Variants in GRIA1 observed in about 807,000 individuals in gnomAD.
GRIA1 encodes glutamate ionotropic receptor AMPA type subunit 1.
GRIA1 carries 31 observed loss-of-function variants against 99.2 expected under a neutral mutation model. The ratio of observed to expected loss-of-function variants is 0.31; its 90% CI spans 0.23 to 0.42. The LOEUF is 0.42. GRIA1 is among the 10% of genes least tolerant of loss of function. The probability of loss-of-function intolerance (pLI) is 1.00; values close to 1 mark genes in which losing one functional copy is unlikely to be tolerated. For synonymous variants in GRIA1, 438 were observed against 432.4 expected (o/e 1.01, Z -0.16); for missense variants, 782 against 1,157.5 (o/e 0.68, Z 4.71).
intron 11 of GRIA1, among the ~76,000 whole-genome samples, chr5:153,722,220 C>CT (rs1282765460): frequency 6.6e-6 from 1 of 150,662 alleles, no homozygotes; most frequent in African/African-American, 2.4e-5. Context: ...GACATAAGTC[C>CT]TTTTTTAGTT....
intron 11 of GRIA1, among the ~76,000 whole-genome samples, chr5:153,731,344 G>A (rs1447666490): frequency 6.6e-6 from 1 of 151,584 alleles, no homozygotes; most frequent in African/African-American, 2.4e-5. Context: ...CCTTTTGCCT[G>A]GAGAGTCTAT....
intron 2 of GRIA1, among the ~76,000 whole-genome samples, chr5:153,639,841 A>G (rs1753663448): frequency 6.6e-6 from 1 of 152,204 alleles, no homozygotes. Context: ...AGAAAATTTC[A>G]ATCTGTAGGA....
intron 2 of GRIA1, among the ~76,000 whole-genome samples, chr5:153,552,279 T>C (rs1355158349): frequency 6.6e-6 from 1 of 151,952 alleles, no homozygotes; most frequent in Non-Finnish European, 1.5e-5. Context: ...TTGGCAGTAC[T>C]GGACTCCCAT....
intron 4 of GRIA1, among the ~76,000 whole-genome samples, chr5:153,651,300 A>G (rs1362799254): frequency 6.6e-6 from 1 of 152,144 alleles, no homozygotes; most frequent in Non-Finnish European, 1.5e-5. Flanking sequence ...TTCCCTGAAC[A>G]TGCCCTTCCC....
At chr5:153,727,982 ATAC>A (rs1345639777) in intron 11 of GRIA1, among the ~76,000 whole-genome samples, 2 of 151,588 alleles carry the variant, frequency 1.3e-5, no homozygotes, top group Admixed American at 1.3e-4. Context: ...ACTTCAAACT[ATAC>A]TACAAGGCTA....
intron 7 of GRIA1, among the ~76,000 whole-genome samples, chr5:153,682,278 C>T (rs1757026378): frequency 2.0e-5 from 3 of 152,138 alleles, no homozygotes; most frequent in African/African-American, 7.2e-5. Flanking sequence ...AAAGGGGATA[C>T]AGGAGCCCTG....
intron 11 of GRIA1, among the ~76,000 whole-genome samples, chr5:153,730,393 A>G (rs1760920687): frequency 6.6e-6 from 1 of 152,116 alleles, no homozygotes; most frequent in African/African-American, 2.4e-5. Context: ...GTAAATGAAT[A>G]AATATCCTAA....
intron 2 of GRIA1, among the ~76,000 whole-genome samples, chr5:153,627,280 G>T (rs748942823): frequency 1.3e-5 from 2 of 152,138 alleles, no homozygotes; most frequent in African/African-American, 2.4e-5. Context: ...CCATTGGGTG[G>T]GTACTATTAT....
chr5:153,497,942 G>A (rs887754265), intron 2 of GRIA1, among the ~76,000 whole-genome samples: 5 of 152,148 alleles, frequency 3.3e-5, no homozygotes, highest in African/African-American at 1.2e-4. Context: ...CTTGAAGAGT[G>A]GAGTTTGTCT....
At chr5:153,709,089 C>A (rs573659612) in intron 11 of GRIA1, among the ~76,000 whole-genome samples, 1 of 152,208 alleles carries the variant, frequency 6.6e-6, no homozygotes, top group African/African-American at 2.4e-5. Flanking sequence ...GATGCTAAGA[C>A]AATGATCAAA....
chr5:153,576,859 C>T (rs1045535653), intron 2 of GRIA1, among the ~76,000 whole-genome samples: 1 of 152,142 alleles, frequency 6.6e-6, no homozygotes, highest in Admixed American at 6.5e-5. Flanking sequence ...TTGTTGGACT[C>T]TTTATACGAA....
chr5:153,489,967 G>C (rs974702560), upstream of GRIA1: 3 of 399,252 alleles, frequency 7.5e-6, no homozygotes, highest in African/African-American at 6.3e-5. Context: ...CGTTTCACTT[G>C]TAAAGGTAGA....
intron 2 of GRIA1, among the ~76,000 whole-genome samples, chr5:153,528,537 T>C (rs965600517): frequency 1.2e-4 from 19 of 152,090 alleles, no homozygotes; most frequent in African/African-American, 4.6e-4. Context: ...ATTTGGGAGG[T>C]CTGGTGTGAG....
intron 2 of GRIA1, among the ~76,000 whole-genome samples, chr5:153,605,281 C>T (rs1019878247): frequency 2.6e-5 from 4 of 152,068 alleles, no homozygotes; most frequent in Admixed American, 6.5e-5. Context: ...TATCTGTTTA[C>T]GTTTGCTTAA....
intron 2 of GRIA1, among the ~76,000 whole-genome samples, chr5:153,598,153 T>A (rs548233086): frequency 2.0e-5 from 3 of 151,820 alleles, no homozygotes; most frequent in Non-Finnish European, 2.9e-5. Flanking sequence ...AATAATATAC[T>A]ATCACATGTT....
At position 153,698,922 on chromosome 5, in the gene GRIA1, G is replaced by A. The variant is rs1380820240; in HGVS notation, c.1301G>A (p.Arg434His). Reference protein sequence around the residue: ...KNANQFEGNDRYEGYCVELAA... With the variant: ...KNANQFEGNDHYEGYCVELAA... Reference sequence around the variant, plus strand: ...GCCAATCAGTTTGAGGGCAATGACCGTTACGAGGGCTACTGTGTAGAGCTG... The same window carrying A: ...GCCAATCAGTTTGAGGGCAATGACCATTACGAGGGCTACTGTGTAGAGCTG... Residue 434 changes from arginine (R) to histidine (H), a missense_variant, in exon 10 of 16, where the codon CGT becomes CAT. Arg to His is a conservative substitution (Grantham distance 29). Transcript: ENST00000285900. The A allele has an allele frequency of 3.1e-6, 5 of 1,613,758 alleles. No individual in the cohort carries two copies. Among genetic ancestry groups the A allele is most frequent in the African/African-American group, 1.3e-5 (1 of 75,034 alleles).
chr5:153,720,383 T>C (rs1759970510), intron 11 of GRIA1, among the ~76,000 whole-genome samples: 1 of 152,210 alleles, frequency 6.6e-6, no homozygotes, highest in East Asian at 1.9e-4. Flanking sequence ...GCATTAGTTC[T>C]TGGTGCATTC....
intron 2 of GRIA1, among the ~76,000 whole-genome samples, chr5:153,617,245 C>A (rs1225462004): frequency 6.6e-6 from 1 of 152,194 alleles, no homozygotes; most frequent in Non-Finnish European, 1.5e-5. Context: ...TCATGCTACG[C>A]TCCTGTTTTT....
At chr5:153,653,506 G>T (rs1374613619) in intron 4 of GRIA1, among the ~76,000 whole-genome samples, 1 of 152,168 alleles carries the variant, frequency 6.6e-6, no homozygotes, top group Admixed American at 6.5e-5. Flanking sequence ...AGGATTATTA[G>T]AATATAATAC....
Sources: gnomAD v4.1 joint callset for allele counts (sites outside exome capture counted in the v4.1 genomes callset) on GRCh38, gnomAD v4.1.1 for gene constraint, MANE v1.5 for transcripts, NCBI Gene and HGNC (gene_info 2026-07-23, HGNC 2026-07-21) for gene names.